DNAH12: variants seen among roughly 807,000 people sequenced by gnomAD.
DNAH12 encodes dynein axonemal heavy chain 12.
A neutral mutation model predicts 371.5 loss-of-function variants in DNAH12; 285 were observed. The observed-to-expected ratio is 0.77, with a 90% CI of 0.70 to 0.85. DNAH12 has a LOEUF of 0.85. DNAH12 is among the 40% of genes least tolerant of loss of function. The pLI, the probability that DNAH12 is intolerant of heterozygous loss-of-function variation, is 0.00. For synonymous variants in DNAH12, 1,200 were observed against 1,213.0 expected (o/e 0.99, Z 0.22); for missense variants, 3,611 against 3,689.4 (o/e 0.98, Z 0.55).
upstream of DNAH12, among the ~76,000 whole-genome samples, chr3:57,546,752 C>A (rs552221566): frequency 6.6e-6 from 1 of 152,298 alleles, no homozygotes; most frequent in Non-Finnish European, 1.5e-5. Flanking sequence ...TAATCTAGGG[C>A]TGCTGTGAGG....
chr3:57,482,481 A>G (rs931881731), intron 13 of DNAH12, among the ~76,000 whole-genome samples: 22 of 152,054 alleles, frequency 1.4e-4, no homozygotes, highest in African/African-American at 5.1e-4. Flanking sequence ...GTGGGACTGT[A>G]AACTAGTTCA....
chr3:57,477,821 A>C lies in DNAH12; in HGVS notation c.1651-5150T>G, dbSNP rs185284049. 3.3e-4 allele frequency among the ~76,000 whole-genome samples: 51 copies of C among 152,298 alleles called. No homozygotes were observed. In the East Asian group the frequency reaches 8.9e-3, roughly 27 times the overall value. On this transcript the variant is annotated intron_variant, in intron 13 of 73. Transcript: ENST00000495027. Reference sequence around the variant, plus strand: ...TGATACCCAGGCAAACAGGGTCTGGAGTGGACCTCCAGCAAACTCCAACAG... The same window carrying C: ...TGATACCCAGGCAAACAGGGTCTGGCGTGGACCTCCAGCAAACTCCAACAG...
chr3:57,450,263 A>AAAAAAAAAAAG (rs1559675139), intron 25 of DNAH12, among the ~76,000 whole-genome samples: 1 of 148,870 alleles, frequency 6.7e-6, no homozygotes, highest in African/African-American at 2.5e-5. Flanking sequence ...AAAAAAAAAA[A>AAAAAAAAAAAG]GGTGGCCCAG....
intron 62 of DNAH12, among the ~76,000 whole-genome samples, chr3:57,333,154 C>A (rs1005253123): frequency 2.0e-5 from 3 of 151,740 alleles, no homozygotes; most frequent in Non-Finnish European, 4.4e-5. Context: ...GGCTGGAGTG[C>A]AGTGGTTCGA....
chr3:57,315,654 G>C (rs540195414), intron 65 of DNAH12, among the ~76,000 whole-genome samples: 36 of 152,142 alleles, frequency 2.4e-4, no homozygotes, highest in Admixed American at 1.8e-3. Context: ...GAAGGTGGGT[G>C]TATGGGAGAA....
intron 44 of DNAH12, among the ~76,000 whole-genome samples, chr3:57,392,367 C>T (rs1194100235): frequency 6.6e-6 from 1 of 152,026 alleles, no homozygotes; most frequent in Non-Finnish European, 1.5e-5. Flanking sequence ...AAAATGTAAA[C>T]AGCTGAAGTA....
intron 36 of DNAH12, among the ~76,000 whole-genome samples, chr3:57,420,888 AAT>A (rs1398089383): frequency 6.8e-6 from 1 of 147,924 alleles, no homozygotes; most frequent in Non-Finnish European, 1.5e-5. Flanking sequence ...CAGCCTGGAC[AAT>A]AGAGCAAGAC....
At chr3:57,302,567 A>AGAGGTTTTTTTTTTT (rs2061380837) in intron 69 of DNAH12, among the ~76,000 whole-genome samples, 1 of 27,482 alleles carries the variant, frequency 3.6e-5, no homozygotes, top group African/African-American at 1.3e-4. Flanking sequence ...ATATATATGT[A>AGAGGTTTTTTTTTTT]TTTTTTTTTT....
chr3:57,473,573 C>T, intron 13 of DNAH12, among the ~76,000 whole-genome samples: 1 of 151,622 alleles, frequency 6.6e-6, no homozygotes, highest in East Asian at 1.9e-4. Flanking sequence ...AATATTTTTA[C>T]CCTCTATATC....
chr3:57,427,613 G>A (rs1323438627), intron 34 of DNAH12, among the ~76,000 whole-genome samples: 6 of 152,126 alleles, frequency 3.9e-5, no homozygotes, highest in East Asian at 1.9e-4. Context: ...TTGCTTCAAC[G>A]TGGGAGACAG....
At chr3:57,406,275 C>T (rs537058733) in intron 40 of DNAH12, among the ~76,000 whole-genome samples, 22 of 146,928 alleles carry the variant, frequency 1.5e-4, no homozygotes, top group African/African-American at 5.3e-4. Context: ...GGCTTGAACC[C>T]GGGAGGTGGA....
At chr3:57,312,153 C>A (rs1409220677) in intron 66 of DNAH12, among the ~76,000 whole-genome samples, 1 of 152,096 alleles carries the variant, frequency 6.6e-6, no homozygotes, top group African/African-American at 2.4e-5. Flanking sequence ...ATTCTAAATT[C>A]TCTAGAACCA....
intron 11 of DNAH12, among the ~76,000 whole-genome samples, chr3:57,496,389 T>C (rs1366001523): frequency 6.6e-6 from 1 of 152,068 alleles, no homozygotes; most frequent in African/African-American, 2.4e-5. Context: ...ATAAATATAA[T>C]TCAAAATATT....
intron 45 of DNAH12, among the ~76,000 whole-genome samples, chr3:57,388,911 G>A (rs1392895807): frequency 6.8e-6 from 1 of 147,154 alleles, no homozygotes; most frequent in Non-Finnish European, 1.5e-5. Flanking sequence ...TCGTGGGGTT[G>A]GGGGAGGGGG....
At chr3:57,371,464 T>C (rs2063167725) in intron 55 of DNAH12, among the ~76,000 whole-genome samples, 2 of 152,118 alleles carry the variant, frequency 1.3e-5, no homozygotes, top group African/African-American at 4.8e-5. Flanking sequence ...CACCGAATTG[T>C]ACAATTTAAA....
chr3:57,343,975 T>G (rs2062474110), intron 60 of DNAH12, among the ~76,000 whole-genome samples: 1 of 152,246 alleles, frequency 6.6e-6, no homozygotes, highest in Admixed American at 6.5e-5. Context: ...CTTCTCCTTA[T>G]TATCACCCTG....
At chr3:57,317,479 C>T (rs1041170829) in intron 65 of DNAH12, among the ~76,000 whole-genome samples, 1 of 152,130 alleles carries the variant, frequency 6.6e-6, no homozygotes, top group Non-Finnish European at 1.5e-5. Flanking sequence ...ATTTCTCTTT[C>T]TGTGACTGGC....
At chr3:57,463,714 G>A (rs142930445) in intron 17 of DNAH12, among the ~76,000 whole-genome samples, 125 of 152,202 alleles carry the variant, frequency 8.2e-4, no homozygotes, top group African/African-American at 2.8e-3. Context: ...CAGGCACTCA[G>A]TAAGTATTTT....
chr3:57,380,701 G>A lies in DNAH12; in HGVS notation c.7993-334C>T, dbSNP rs962792461. Among the ~76,000 whole-genome samples, 180 of 152,264 alleles carry A rather than the reference G, an allele frequency of 1.2e-3. No individual in the cohort carries two copies. The East Asian group carries it at 0.029, about 25-fold the overall frequency. ...GCTGGTCTCCAACTCCTGACCTCAA[G>A]TGATCCACCTGCCTCAGCCTCCCAA... On this transcript the variant is annotated intron_variant, in intron 50 of 73. Transcript: ENST00000495027.
Sources: gnomAD v4.1 joint callset for allele counts (sites outside exome capture counted in the v4.1 genomes callset) on GRCh38, gnomAD v4.1.1 for gene constraint, MANE v1.5 for transcripts, NCBI Gene and HGNC (gene_info 2026-07-23, HGNC 2026-07-21) for gene names.